The following UVRAG variants were observed in gnomAD, a reference collection of about 807,000 sequenced individuals.
UVRAG encodes UV radiation resistance-associated gene protein.
UVRAG carries 19 observed loss-of-function variants against 78.0 expected under a neutral mutation model. The ratio of observed to expected loss-of-function variants is 0.24; its 90% CI spans 0.17 to 0.36. UVRAG has a LOEUF of 0.36. Among genes scored for constraint, UVRAG ranks in the 10% least tolerant of loss-of-function variants. The pLI, the probability that UVRAG is intolerant of heterozygous loss-of-function variation, is 1.00. For synonymous variants in UVRAG, 323 were observed against 324.6 expected (o/e 1.00, Z 0.05); for missense variants, 740 against 853.8 (o/e 0.87, Z 1.66).
chr11:75,973,618 TA>T (rs1949170049), intron 7 of UVRAG, among the ~76,000 whole-genome samples: 1 of 152,218 alleles, frequency 6.6e-6, no homozygotes, highest in Non-Finnish European at 1.5e-5. Flanking sequence ...GCAGTTTTGT[TA>T]CATATGTATA....
At chr11:75,829,503 C>G (rs73489937) in intron 1 of UVRAG, among the ~76,000 whole-genome samples, 35 of 152,286 alleles carry the variant, frequency 2.3e-4, no homozygotes, top group African/African-American at 6.5e-4. Context: ...TCCTCACTTA[C>G]TTAAAGTTGC....
intron 5 of UVRAG, among the ~76,000 whole-genome samples, chr11:75,903,965 G>A (rs911232298): frequency 2.6e-5 from 4 of 152,186 alleles, no homozygotes; most frequent in Non-Finnish European, 5.9e-5. Context: ...ATAGTAACAT[G>A]TTTTAAAACG....
intron 12 of UVRAG, among the ~76,000 whole-genome samples, chr11:76,054,920 G>A (rs56057576): frequency 0.024 from 3,624 of 152,300 alleles, 147 homozygotes; most frequent in African/African-American, 0.081. Flanking sequence ...GTGCTCATTA[G>A]AGTCTTTGGT....
chr11:76,103,591 A>G (rs1951919824), intron 13 of UVRAG, among the ~76,000 whole-genome samples: 1 of 148,842 alleles, frequency 6.7e-6, no homozygotes, highest in Non-Finnish European at 1.5e-5. Context: ...CAGAGAGACT[A>G]AACAGTGGAC....
intron 3 of UVRAG, among the ~76,000 whole-genome samples, chr11:75,865,151 G>T (rs1338561836): frequency 6.6e-6 from 1 of 152,046 alleles, no homozygotes. Flanking sequence ...GCTGGGCGTG[G>T]TGGCACATGC....
chr11:75,880,163 A>C, intron 4 of UVRAG, 123 bp downstream of exon 4: 1 of 1,142,064 alleles, frequency 8.8e-7, no homozygotes, highest in Non-Finnish European at 1.3e-6. Context: ...CTGTTTACTT[A>C]TATCACTAAG....
chr11:76,020,442 A>T (rs1057390568), intron 12 of UVRAG, among the ~76,000 whole-genome samples: 4 of 152,032 alleles, frequency 2.6e-5, no homozygotes, highest in Non-Finnish European at 5.9e-5. Flanking sequence ...TTTTGGTCAC[A>T]GGTGATGAAT....
chr11:75,820,623 G>A (rs983372059), intron 1 of UVRAG, among the ~76,000 whole-genome samples: 1 of 152,148 alleles, frequency 6.6e-6, no homozygotes, highest in Non-Finnish European at 1.5e-5. Context: ...CCAAAGTGCT[G>A]GGATTACAGG....
chr11:75,994,675 C>T (rs1260175712), intron 8 of UVRAG, among the ~76,000 whole-genome samples: 5 of 152,124 alleles, frequency 3.3e-5, no homozygotes, highest in Admixed American at 3.3e-4. Context: ...GAGACACTTC[C>T]CTGAGGTCCC....
At chr11:75,890,860 G>C (rs1158962734) in intron 5 of UVRAG, among the ~76,000 whole-genome samples, 1 of 152,142 alleles carries the variant, frequency 6.6e-6, no homozygotes, top group Non-Finnish European at 1.5e-5. Context: ...AAAAGAAGTG[G>C]CCCAAGGGAA....
chr11:75,981,349 T>C (rs902710066), intron 7 of UVRAG, among the ~76,000 whole-genome samples: 1 of 152,160 alleles, frequency 6.6e-6, no homozygotes, highest in African/African-American at 2.4e-5. Context: ...TGGCCCCAAG[T>C]GATCTGCCCA....
At chr11:76,127,096 A>G (rs1219233177) in intron 14 of UVRAG, among the ~76,000 whole-genome samples, 1 of 152,212 alleles carries the variant, frequency 6.6e-6, no homozygotes, top group East Asian at 1.9e-4. Context: ...GTTATTGGTT[A>G]ACTCTCTGTC....
intron 13 of UVRAG, among the ~76,000 whole-genome samples, chr11:76,071,752 A>G (rs1472866500): frequency 1.3e-5 from 2 of 152,120 alleles, no homozygotes; most frequent in African/African-American, 4.8e-5. Context: ...CAGATTTGAA[A>G]TATATTATGG....
At chr11:76,017,331 A>G (rs749639640) in intron 12 of UVRAG, among the ~76,000 whole-genome samples, 33 of 152,186 alleles carry the variant, frequency 2.2e-4, no homozygotes, top group Non-Finnish European at 2.6e-4. Context: ...GATTTGTCAG[A>G]GATCTAACTA....
intron 12 of UVRAG, among the ~76,000 whole-genome samples, chr11:76,040,526 T>A (rs1422014869): frequency 6.6e-6 from 1 of 151,470 alleles, no homozygotes; most frequent in East Asian, 1.9e-4. Context: ...CACTGGATTT[T>A]TGGTTTTTTG....
chr11:75,909,425 A>T (rs963134568), intron 5 of UVRAG, among the ~76,000 whole-genome samples: 1 of 152,152 alleles, frequency 6.6e-6, no homozygotes, highest in Admixed American at 6.5e-5. Flanking sequence ...TTGAGACTGC[A>T]GTGAACTGTG....
chr11:76,007,939 G>A (rs567818090), intron 10 of UVRAG, among the ~76,000 whole-genome samples: 4 of 150,362 alleles, frequency 2.7e-5, no homozygotes, highest in Admixed American at 2.7e-4. Context: ...ACGGAGTTTC[G>A]CTCTGTCACC....
intron 4 of UVRAG, among the ~76,000 whole-genome samples, chr11:75,886,048 G>T (rs766646142): frequency 1.3e-5 from 2 of 152,046 alleles, no homozygotes; most frequent in Non-Finnish European, 2.9e-5. Flanking sequence ...ACTATATGTT[G>T]GATAGAGTAG....
intron 2 of UVRAG, among the ~76,000 whole-genome samples, chr11:75,852,388 T>C (rs1590934229): frequency 1.3e-5 from 2 of 152,216 alleles, no homozygotes; most frequent in Non-Finnish European, 2.9e-5. Flanking sequence ...TGTAATTCCC[T>C]GTATATATGG....
Sources: gnomAD v4.1 joint callset for allele counts (sites outside exome capture counted in the v4.1 genomes callset) on GRCh38, gnomAD v4.1.1 for gene constraint, MANE v1.5 for transcripts, NCBI Gene and HGNC (gene_info 2026-07-23, HGNC 2026-07-21) for gene names.